Variants in NDUFA7 observed in about 807,000 individuals in gnomAD.
NDUFA7 encodes the protein NADH:ubiquinone oxidoreductase subunit A7.
In NDUFA7, 18 loss-of-function variants were observed where a neutral mutation model predicts 14.2. The ratio of observed to expected loss-of-function variants is 1.27; its 90% CI spans 0.88 to 1.88. The LOEUF is 1.88. Among genes scored for constraint, NDUFA7 ranks in the 40% most tolerant of loss-of-function variants. The pLI, the probability that NDUFA7 is intolerant of heterozygous loss-of-function variation, is 0.00. For missense variants in NDUFA7, 172 were observed against 147.3 expected (o/e 1.17, Z -0.87); for synonymous variants, 75 against 62.1 (o/e 1.21, Z -0.98).
chr19:8,312,951 C>T (rs1282395982), intron 3 of NDUFA7, among the ~76,000 whole-genome samples: 1 of 151,938 alleles, frequency 6.6e-6, no homozygotes, highest in African/African-American at 2.4e-5. Context: ...AGGCGAGAGC[C>T]ACAGCGCCCC....
downstream of NDUFA7, among the ~76,000 whole-genome samples, chr19:8,309,798 G>A (rs1416299336): frequency 6.6e-6 from 1 of 152,184 alleles, no homozygotes; most frequent in Non-Finnish European, 1.5e-5. Flanking sequence ...GTCTGGGGCT[G>A]TGCCCTGGGG....
At chr19:8,316,728 A>T in intron 2 of NDUFA7, 83 bp from the exon 3 acceptor site, 1 of 1,522,124 alleles carries the variant, frequency 6.6e-7, no homozygotes, top group Admixed American at 1.8e-5. Context: ...CCTCAGTCAC[A>T]AAATGTGGGA....
chr19:8,320,738 G>T, intron 2 of NDUFA7, 119 bp downstream of exon 2: 9 of 1,231,182 alleles, frequency 7.3e-6, no homozygotes, highest in Non-Finnish European at 9.5e-6. Flanking sequence ...CCACAGCCTG[G>T]CAGGGGACTG....
intron 3 of NDUFA7, among the ~76,000 whole-genome samples, chr19:8,313,984 C>G (rs1224103051): frequency 2.0e-5 from 3 of 152,208 alleles, no homozygotes; most frequent in African/African-American, 7.2e-5. Context: ...AGGGACCAAA[C>G]TGCTTTTTGA....
intron 3 of NDUFA7, among the ~76,000 whole-genome samples, chr19:8,312,512 G>C (rs1970190051): frequency 6.6e-6 from 1 of 152,116 alleles, no homozygotes; most frequent in Admixed American, 6.6e-5. Context: ...ACAGACTCTT[G>C]CTCTGTCACC....
chr19:8,312,779 C>T (rs1970192858), intron 3 of NDUFA7, among the ~76,000 whole-genome samples: 1 of 152,152 alleles, frequency 6.6e-6, no homozygotes, highest in Admixed American at 6.6e-5. Flanking sequence ...ATCCTTCTGC[C>T]TCAGCCCTTC....
chr19:8,318,870 C>G (rs1434019525), intron 2 of NDUFA7, among the ~76,000 whole-genome samples: 1 of 150,734 alleles, frequency 6.6e-6, no homozygotes, highest in Non-Finnish European at 1.5e-5. Context: ...ACTCGGGAGG[C>G]TGAGGCAGGA....
At chr19:8,308,722 TC>T (rs1488775531), downstream of NDUFA7, 2 of 236,766 alleles carry the variant, frequency 8.4e-6, no homozygotes, top group Non-Finnish European at 1.7e-5. Context: ...TGGTTTGTTG[TC>T]CGAGTCCCCA....
At chr19:8,312,932 TGAGATTA>T (rs1410848386) in intron 3 of NDUFA7, among the ~76,000 whole-genome samples, 1 of 152,152 alleles carries the variant, frequency 6.6e-6, no homozygotes, top group Admixed American at 6.6e-5. Context: ...CCCAAAGTGC[TGAGATTA>T]CAGGCGAGAG....
chr19:8,311,964 GCGAT>G (rs1238737722), intron 3 of NDUFA7, among the ~76,000 whole-genome samples: 1 of 152,240 alleles, frequency 6.6e-6, no homozygotes, highest in Non-Finnish European at 1.5e-5. Context: ...AAAGGGCCAA[GCGAT>G]CAGGTGACAA....
At chr19:8,319,371 C>G (rs1377958976) in intron 2 of NDUFA7, 2 of 151,894 alleles carry the variant, frequency 1.3e-5, no homozygotes, top group East Asian at 3.9e-4. Context: ...CCAGACTGGC[C>G]AACATGGTGA....
intron 3 of NDUFA7, among the ~76,000 whole-genome samples, chr19:8,313,598 AAG>A (rs1970202952): frequency 6.6e-6 from 1 of 152,196 alleles, no homozygotes; most frequent in Non-Finnish European, 1.5e-5. Flanking sequence ...AGCACACTGC[AAG>A]TCTAGCATCC....
At chr19:8,308,704 A>C, downstream of NDUFA7, 1 of 252,634 alleles carries the variant, frequency 4.0e-6, no homozygotes. Context: ...TATTTTATTT[A>C]CTTATTCTGG....
At position 8,317,680 on chromosome 19, in the gene NDUFA7, C is replaced by T. The variant is rs116410032; in HGVS notation, c.102-1035G>A. 1.7e-3 allele frequency among the ~76,000 whole-genome samples: 255 copies of T among 152,282 alleles called. 2 individuals carry two copies. Among genetic ancestry groups the T allele is most frequent in the African/African-American group, 5.9e-3 (246 of 41,562 alleles). ...TTTTTTCTGAGGCAGTGATCATATG[C>T]ACTGCAGCCTGGATGATATATGCAA... On this transcript the variant is annotated intron_variant, in intron 2 of 3. Coordinates refer to ENST00000301457, the MANE Select transcript of NDUFA7 (RefSeq NM_005001.5).
At chr19:8,316,774 G>A in intron 2 of NDUFA7, 129 bp from the exon 3 acceptor site, 1 of 1,156,594 alleles carries the variant, frequency 8.6e-7, no homozygotes, top group Admixed American at 2.2e-5. Context: ...CACAGGCTGG[G>A]GGTGTCCCTT....
chr19:8,318,840 G>A (rs1009499687), intron 2 of NDUFA7, among the ~76,000 whole-genome samples: 2 of 151,358 alleles, frequency 1.3e-5, no homozygotes, highest in Non-Finnish European at 2.9e-5. Context: ...GTGTGGTGGT[G>A]CACGCCTGTA....
intron 3 of NDUFA7, among the ~76,000 whole-genome samples, chr19:8,315,395 T>C (rs984938820): frequency 1.9e-4 from 29 of 152,188 alleles, no homozygotes; most frequent in African/African-American, 7.0e-4. Context: ...AACCCGATTG[T>C]ATATTCCATC....
At chr19:8,321,147 G>A in intron 1 of NDUFA7, 161 bp downstream of exon 1, 1 of 1,018,204 alleles carries the variant, frequency 9.8e-7, no homozygotes, top group Non-Finnish European at 1.4e-6. Context: ...TCCCAGGCCA[G>A]GAGAGGGTCC....
chr19:8,315,066 G>C (rs1970217732), intron 3 of NDUFA7, among the ~76,000 whole-genome samples: 1 of 152,204 alleles, frequency 6.6e-6, no homozygotes, highest in Non-Finnish European at 1.5e-5. Flanking sequence ...TTGTTAAACA[G>C]AAGCTGGAAG....
Sources: allele counts gnomAD v4.1 joint callset (sites outside exome capture counted in the v4.1 genomes callset), GRCh38; gene constraint gnomAD v4.1.1; transcripts MANE v1.5; gene names NCBI Gene and HGNC (gene_info 2026-07-23, HGNC 2026-07-21).